Variants in PAK3 observed in about 807,000 individuals in gnomAD.
The protein encoded by PAK3 is serine/threonine-protein kinase PAK 3.
In PAK3, 4 loss-of-function variants were observed where a neutral mutation model predicts 41.0. The observed-to-expected ratio is 0.10, with a 90% CI of 0.05 to 0.22. PAK3 has a LOEUF of 0.22. PAK3 is among the 10% of genes least tolerant of loss of function. The pLI is 1.00. For missense variants in PAK3, 205 were observed against 409.9 expected, an observed-to-expected ratio of 0.50 and a Z score of 4.32; for synonymous variants, 146 against 139.6, an observed-to-expected ratio of 1.05 and a Z score of -0.32.
At chrX:110,984,961 T>C (rs1284958856) in intron 1 of PAK3, among the ~76,000 whole-genome samples, 1 of 110,981 alleles carries the variant, frequency 9.0e-6, no homozygotes, top group African/African-American at 3.3e-5. Flanking sequence ...AAACCCCATC[T>C]CTACTAAAAA....
intron 1 of PAK3, among the ~76,000 whole-genome samples, chrX:111,034,600 G>A (rs1036130982): frequency 9.0e-6 from 1 of 111,431 alleles, no homozygotes; most frequent in Non-Finnish European, 1.9e-5. Context: ...CCAGTTATCT[G>A]GTCTTTTCCC....
At position 111,085,165 on chromosome X, in the gene PAK3, G is replaced by GT. The variant is rs747447590; in HGVS notation, c.-27-37903dup. Among the ~76,000 whole-genome samples, 8 of 111,024 alleles carry GT rather than the reference G, an allele frequency of 7.2e-5. No individual in the cohort carries two copies. In the East Asian group the frequency reaches 1.4e-3, roughly 19 times the overall value. On this transcript the variant is annotated intron_variant, in intron 1 of 14. Coordinates refer to the PAK3 transcript ENST00000425146. Reference sequence around the variant, plus strand: ...ATAATTTGATTGTTTAAACACGACAGTTTTTTTTTAAAGTAATACGTCATA... The same window carrying GT: ...ATAATTTGATTGTTTAAACACGACAGTTTTTTTTTTAAAGTAATACGTCATA...
chrX:111,053,933 TA>T (rs2092582656), intron 1 of PAK3, among the ~76,000 whole-genome samples: 1 of 112,596 alleles, frequency 8.9e-6, no homozygotes, highest in Non-Finnish European at 1.9e-5. Flanking sequence ...TTAGCTGTGA[TA>T]CACACTGAGA....
At chrX:110,948,109 G>T (rs754008144) in intron 1 of PAK3, among the ~76,000 whole-genome samples, 6 of 111,897 alleles carry the variant, frequency 5.4e-5, no homozygotes, top group Non-Finnish European at 1.1e-4. Context: ...TGCTTTGACT[G>T]CAGAGACCTA....
At position 111,194,257 on chromosome X, in the gene PAK3, T is replaced by A. The variant is rs774877852; in HGVS notation, c.993-44T>A. The A allele has an allele frequency of 2.6e-5, 20 of 783,789 alleles. No individual in the cohort carries two copies. In the East Asian group the frequency reaches 5.7e-4, roughly 22 times the overall value. The allele number at this position is 783,789 out of a possible 1,213,427, so 64.6% of individuals were successfully genotyped here. On this transcript the variant is annotated intron_variant, in intron 13 of 17. Coordinates refer to ENST00000372007, the MANE Select transcript of PAK3 (RefSeq NM_002578.5). ...GCCTGGGAATATCAGAGTCCCCAGG[T>A]TTTTTAGCGTCATAAGGCAAAGTCT...
At chrX:111,050,223 G>A (rs1382240353) in intron 1 of PAK3, among the ~76,000 whole-genome samples, 1 of 111,114 alleles carries the variant, frequency 9.0e-6, no homozygotes, top group Non-Finnish European at 1.9e-5. Flanking sequence ...GGGGTTCCTG[G>A]TATGGGCTGT....
chrX:111,000,985 C>T (rs1027452016), intron 1 of PAK3, among the ~76,000 whole-genome samples: 7 of 111,292 alleles, frequency 6.3e-5, no homozygotes, highest in Non-Finnish European at 1.3e-4. Flanking sequence ...GAAGGCCTCA[C>T]TGAGATGACA....
At chrX:111,072,958 A>G (rs188039812) in intron 1 of PAK3, among the ~76,000 whole-genome samples, 284 of 111,993 alleles carry the variant, frequency 2.5e-3, no homozygotes, top group African/African-American at 8.7e-3. Flanking sequence ...CTACCCTTCT[A>G]TGTAGACCCA....
At chrX:111,070,149 A>C (rs1430937897) in intron 1 of PAK3, among the ~76,000 whole-genome samples, 1 of 111,879 alleles carries the variant, frequency 8.9e-6, no homozygotes. Context: ...ACAACAACAA[A>C]AAACAGACCT....
intron 4 of PAK3, among the ~76,000 whole-genome samples, chrX:111,108,259 A>G (rs759193878): frequency 3.6e-5 from 4 of 112,190 alleles, no homozygotes; most frequent in Admixed American, 9.4e-5. Context: ...CCATATTCCC[A>G]GAAGATTGTA....
chrX:111,034,886 A>C (rs1389943384), intron 1 of PAK3, among the ~76,000 whole-genome samples: 1 of 109,909 alleles, frequency 9.1e-6, no homozygotes, highest in Non-Finnish European at 1.9e-5. Flanking sequence ...AGAAGGCTTG[A>C]GCTCAGGAGT....
rs769820703 is a variant in PAK3, at chrX:111,194,294, G to A, written c.993-7G>A. 2.8e-6 allele frequency: 3 copies of A among 1,073,919 alleles called. No homozygotes were observed. The highest frequency in any genetic ancestry group is 3.7e-5 in the African/African-American group (2 of 54,343). The allele number at this position is 1,073,919 out of a possible 1,213,427, so 88.5% of individuals were successfully genotyped here. On this transcript the variant is annotated splice_region_variant and splice_polypyrimidine_tract_variant and intron_variant, in intron 13 of 17. Transcript: ENST00000372007. ...ATAAGGCAAAGTCTTTTCTTTTCTT[G>A]TTATAGCTACTTGGTGGGTGATGAA...
chrX:110,985,866 T>G (rs897181251), intron 1 of PAK3, among the ~76,000 whole-genome samples: 4 of 111,787 alleles, frequency 3.6e-5, no homozygotes, highest in Non-Finnish European at 7.5e-5. Context: ...AGCTTTCTTT[T>G]GTGTTGTGTG....
chrX:110,995,452 T>C (rs1429497972), intron 1 of PAK3, among the ~76,000 whole-genome samples: 6 of 110,717 alleles, frequency 5.4e-5, no homozygotes, highest in Non-Finnish European at 1.1e-4. Context: ...AATGGATTCA[T>C]GTACCACTCT....
At chrX:111,155,086 A>T (rs953170139) in intron 8 of PAK3, among the ~76,000 whole-genome samples, 4 of 111,819 alleles carry the variant, frequency 3.6e-5, no homozygotes, top group Admixed American at 1.9e-4. Context: ...GTCTGGAGAT[A>T]AAACAAATAG....
chrX:111,183,658 A>G (rs2094481502), intron 11 of PAK3, among the ~76,000 whole-genome samples: 1 of 111,862 alleles, frequency 8.9e-6, no homozygotes, highest in South Asian at 3.7e-4. Flanking sequence ...ACAACTACTC[A>G]TGATTATGGC....
chrX:111,118,844 G>T (rs1328284236), intron 4 of PAK3, among the ~76,000 whole-genome samples: 1 of 111,904 alleles, frequency 8.9e-6, no homozygotes, highest in Non-Finnish European at 1.9e-5. Flanking sequence ...TCTACAGTTT[G>T]CAGGACCATC....
At chrX:111,134,339 A>G (rs1279874866) in intron 5 of PAK3, among the ~76,000 whole-genome samples, 1 of 111,999 alleles carries the variant, frequency 8.9e-6, no homozygotes. Flanking sequence ...ACTGTAAAAT[A>G]TACTCCTCAC....
intron 1 of PAK3, among the ~76,000 whole-genome samples, chrX:110,985,947 G>A (rs1473245186): frequency 9.0e-6 from 1 of 111,211 alleles, no homozygotes; most frequent in Non-Finnish European, 1.9e-5. Flanking sequence ...CTACCCCCTG[G>A]CTTCTCTTCA....
Sources: gnomAD v4.1 joint callset for allele counts (sites outside exome capture counted in the v4.1 genomes callset) on GRCh38, gnomAD v4.1.1 for gene constraint, MANE v1.5 for transcripts, NCBI Gene and HGNC (gene_info 2026-07-23, HGNC 2026-07-21) for gene names.